NBAS: variants seen among roughly 807,000 people sequenced by gnomAD.
NBAS encodes NBAS subunit of NRZ tethering complex.
In NBAS, 219 loss-of-function variants were observed where a neutral mutation model predicts 302.5. That is an observed-to-expected ratio of 0.72 (90% CI 0.65 to 0.81). NBAS has a LOEUF of 0.81. Ranked by LOEUF, NBAS falls within the 30% of genes least tolerant of loss-of-function variation. The pLI is 0.00. For synonymous variants in NBAS, 1,118 were observed against 1,021.6 expected (o/e 1.09, Z -1.80); for missense variants, 2,932 against 2,841.6 (o/e 1.03, Z -0.72).
At chr2:15,132,235 T>C in the NBAS span, among the ~76,000 whole-genome samples, 1 of 152,212 alleles carries the variant, frequency 6.6e-6, no homozygotes, top group Non-Finnish European at 1.5e-5. Context: ...CAATGGAATG[T>C]TATTCAGTGC....
At chr2:14,892,396 T>C in the NBAS span, among the ~76,000 whole-genome samples, 1 of 152,172 alleles carries the variant, frequency 6.6e-6, no homozygotes. Flanking sequence ...TGTGGCACAA[T>C]GGGCTCACAG....
chr2:14,958,246 C>A, the NBAS span, among the ~76,000 whole-genome samples: 1 of 152,216 alleles, frequency 6.6e-6, no homozygotes, highest in Non-Finnish European at 1.5e-5. Context: ...GAGCAGGAGA[C>A]CCGGGTCCTG....
the NBAS span, among the ~76,000 whole-genome samples, chr2:15,132,050 T>C: frequency 6.6e-6 from 1 of 152,204 alleles, no homozygotes; most frequent in Non-Finnish European, 1.5e-5. Context: ...CCGAGACATA[T>C]ATTCAAACTA....
Position 15,320,994 on chromosome 2 carries a change from ATAC to A in NBAS, c.4582+6753_4582+6755del, listed in dbSNP as rs531729667. On this transcript the variant is annotated intron_variant, in intron 38 of 51. Coordinates refer to ENST00000281513, the MANE Select transcript of NBAS (RefSeq NM_015909.4). Reference sequence around the variant, plus strand: ...GCATTACGTTACCTGACTTCAAACTATACTACAAGGCTATAGTAACCAAAACAG... The same window carrying A: ...GCATTACGTTACCTGACTTCAAACTATACAAGGCTATAGTAACCAAAACAG... 9.8e-5 allele frequency among the ~76,000 whole-genome samples: 15 copies of A among 152,328 alleles called. No homozygotes were observed. In the South Asian group the frequency reaches 3.1e-3, roughly 32 times the overall value.
chr2:15,035,170 C>T, the NBAS span, among the ~76,000 whole-genome samples: 1 of 127,572 alleles, frequency 7.8e-6, no homozygotes, highest in Non-Finnish European at 1.6e-5. Flanking sequence ...CAGTGAAAAC[C>T]TTTGTAAATG....
At chr2:15,324,825 TC>T (rs1671989495) in intron 38 of NBAS, among the ~76,000 whole-genome samples, 1 of 152,150 alleles carries the variant, frequency 6.6e-6, no homozygotes, top group African/African-American at 2.4e-5. Flanking sequence ...TCCCTAAAGC[TC>T]CACAAGAGAA....
the NBAS span, among the ~76,000 whole-genome samples, chr2:15,160,812 G>C: frequency 6.6e-6 from 1 of 152,194 alleles, no homozygotes; most frequent in Non-Finnish European, 1.5e-5. Context: ...AACTGGGTGA[G>C]GTCAGCTGGG....
chr2:14,919,003 G>C, the NBAS span, among the ~76,000 whole-genome samples: 1 of 152,154 alleles, frequency 6.6e-6, no homozygotes. Context: ...GGAGGGTACA[G>C]AAGACAACTG....
chr2:15,256,817 T>C (rs113360418), intron 44 of NBAS, among the ~76,000 whole-genome samples: 1,616 of 152,358 alleles, frequency 0.011, 15 homozygotes, highest in Middle Eastern at 0.037. Context: ...GAGGTGACCA[T>C]ATGATTTTTG....
At chr2:15,077,668 TTTTC>T in the NBAS span, among the ~76,000 whole-genome samples, 496 of 150,822 alleles carry the variant, frequency 3.3e-3, 4 homozygotes, top group Admixed American at 5.2e-3. Flanking sequence ...GGCTTCTTTC[TTTTC>T]TTTCTTTCTT....
At chr2:14,827,499 G>A in the NBAS span, among the ~76,000 whole-genome samples, 3 of 152,248 alleles carry the variant, frequency 2.0e-5, no homozygotes, top group East Asian at 1.9e-4. Context: ...GAGAGTGCAG[G>A]CATCCTTTCA....
At chr2:15,051,594 C>T in the NBAS span, among the ~76,000 whole-genome samples, 1 of 152,200 alleles carries the variant, frequency 6.6e-6, no homozygotes, top group East Asian at 1.9e-4. Flanking sequence ...AAGAAGTAAG[C>T]AGCCAGAAGG....
chr2:15,358,070 G>A (rs966337123), intron 32 of NBAS, among the ~76,000 whole-genome samples: 10 of 151,968 alleles, frequency 6.6e-5, no homozygotes, highest in Non-Finnish European at 1.2e-4. Flanking sequence ...ATGGATCTGC[G>A]GCCTGTTGCT....
chr2:15,557,450 T>C (rs983196367), intron 2 of NBAS, among the ~76,000 whole-genome samples: 10 of 152,120 alleles, frequency 6.6e-5, no homozygotes, highest in Non-Finnish European at 1.3e-4. Flanking sequence ...TTTTCTACAA[T>C]GAATTTTTAT....
the NBAS span, among the ~76,000 whole-genome samples, chr2:15,094,667 C>A: frequency 3.9e-5 from 6 of 152,180 alleles, no homozygotes; most frequent in Admixed American, 1.3e-4. Flanking sequence ...TGAGAATATG[C>A]GGACTGATGG....
At chr2:15,230,767 T>G (rs1160034432) in intron 47 of NBAS, among the ~76,000 whole-genome samples, 1 of 152,172 alleles carries the variant, frequency 6.6e-6, no homozygotes, top group Non-Finnish European at 1.5e-5. Context: ...CCCTGGGAGC[T>G]GATGGCTGAG....
chr2:15,035,862 G>A, the NBAS span, among the ~76,000 whole-genome samples: 26 of 152,146 alleles, frequency 1.7e-4, no homozygotes, highest in Non-Finnish European at 2.6e-4. Context: ...GAGGCCTGTA[G>A]GGGGTGGGAG....
At chr2:15,554,618 G>A (rs376829109) in intron 3 of NBAS, among the ~76,000 whole-genome samples, 6 of 148,440 alleles carry the variant, frequency 4.0e-5, no homozygotes, top group Non-Finnish European at 7.4e-5. Flanking sequence ...CTTAGCACAC[G>A]AGATAGGAAA....
At chr2:14,961,526 A>AGCAGAT in the NBAS span, among the ~76,000 whole-genome samples, 2 of 152,170 alleles carry the variant, frequency 1.3e-5, no homozygotes, top group Non-Finnish European at 1.5e-5. Context: ...TGAAACCCTC[A>AGCAGAT]GCAGATGCAG....
Sources: gnomAD v4.1 joint callset for allele counts (sites outside exome capture counted in the v4.1 genomes callset) on GRCh38, gnomAD v4.1.1 for gene constraint, MANE v1.5 for transcripts, NCBI Gene and HGNC (gene_info 2026-07-23, HGNC 2026-07-21) for gene names.